The following ADAMTSL1 variants were observed in gnomAD, a reference collection of about 807,000 sequenced individuals.
ADAMTSL1 encodes ADAMTS like 1.
A neutral mutation model predicts 201.8 loss-of-function variants in ADAMTSL1; 126 were observed. The observed-to-expected ratio is 0.62, with a 90% CI of 0.54 to 0.72. The LOEUF is 0.72. ADAMTSL1 is among the 30% of genes least tolerant of loss of function. The pLI, the probability that ADAMTSL1 is intolerant of heterozygous loss-of-function variation, is 0.00. For synonymous variants in ADAMTSL1, 1,121 were observed against 903.4 expected (o/e 1.24, Z -4.32); for missense variants, 2,679 against 2,277.8 (o/e 1.18, Z -3.59).
chr9:18,775,228 A>C (rs1460616892), intron 17 of ADAMTSL1, among the ~76,000 whole-genome samples: 1 of 152,190 alleles, frequency 6.6e-6, no homozygotes. Flanking sequence ...TTTTCTTCTT[A>C]ACATCTAGCA....
chr9:18,398,070 C>A (rs950245471), intron 2 of ADAMTSL1, among the ~76,000 whole-genome samples: 1 of 152,190 alleles, frequency 6.6e-6, no homozygotes, highest in Admixed American at 6.5e-5. Context: ...TACATTCAAT[C>A]TAACAGCTGG....
At chr9:18,694,808 C>A (rs536092292) in intron 13 of ADAMTSL1, among the ~76,000 whole-genome samples, 2 of 152,294 alleles carry the variant, frequency 1.3e-5, no homozygotes, top group South Asian at 2.1e-4. Context: ...CTGTGTGGGG[C>A]CTCCAATCCC....
rs531325858 is a variant in ADAMTSL1, at chr9:18,763,387, T to C, written c.2218-7215T>C. Among the ~76,000 whole-genome samples the C allele has an allele frequency of 3.9e-5, 6 of 152,306 alleles. No individual in the cohort carries two copies. The East Asian group carries it at 1.2e-3, about 29-fold the overall frequency. On this transcript the variant is annotated intron_variant, in intron 16 of 28. Coordinates refer to ENST00000380548, the MANE Select transcript of ADAMTSL1 (RefSeq NM_001040272.6). Reference sequence around the variant, plus strand: ...TACAGAGTTGTTTGAGCTCCTTATATATTCTGGTTATTACTCCCTTGTCAG... The same window carrying C: ...TACAGAGTTGTTTGAGCTCCTTATACATTCTGGTTATTACTCCCTTGTCAG...
At chr9:18,633,322 T>C (rs546476270) in intron 5 of ADAMTSL1, among the ~76,000 whole-genome samples, 1 of 152,268 alleles carries the variant, frequency 6.6e-6, no homozygotes, top group Admixed American at 6.5e-5. Flanking sequence ...CCGGGTGTGG[T>C]GGCTCACTCC....
At chr9:18,315,323 A>C (rs187955435) in intron 2 of ADAMTSL1, among the ~76,000 whole-genome samples, 41 of 152,256 alleles carry the variant, frequency 2.7e-4, no homozygotes, top group African/African-American at 9.6e-4. Context: ...CGCCTAGTGC[A>C]TCCCGCGCCA....
intron 20 of ADAMTSL1, among the ~76,000 whole-genome samples, chr9:18,802,312 T>C (rs552001216): frequency 6.6e-6 from 1 of 152,044 alleles, no homozygotes; most frequent in African/African-American, 2.4e-5. Context: ...ATCACCACAC[T>C]CAATTTTAGA....
intron 1 of ADAMTSL1, among the ~76,000 whole-genome samples, chr9:18,084,991 T>G (rs557091748): frequency 2.0e-4 from 30 of 152,150 alleles, no homozygotes; most frequent in African/African-American, 6.5e-4. Flanking sequence ...AATCTGACAT[T>G]TGAGCAAACC....
At chr9:17,954,555 A>C (rs1332003863) in intron 1 of ADAMTSL1, among the ~76,000 whole-genome samples, 3 of 152,212 alleles carry the variant, frequency 2.0e-5, no homozygotes, top group Non-Finnish European at 4.4e-5. Context: ...AGCAGCTCCC[A>C]AACTTAGTTA....
chr9:18,576,893 A>G (rs1209624715), intron 4 of ADAMTSL1, among the ~76,000 whole-genome samples: 4 of 152,030 alleles, frequency 2.6e-5, no homozygotes, highest in African/African-American at 9.7e-5. Flanking sequence ...AGATGAGGAA[A>G]CTGGAGGCTC....
At chr9:18,489,686 C>G (rs1392252458) in intron 1 of ADAMTSL1, among the ~76,000 whole-genome samples, 2 of 152,088 alleles carry the variant, frequency 1.3e-5, no homozygotes, top group Non-Finnish European at 2.9e-5. Context: ...CTTTATTTTT[C>G]TTTTTCTAGA....
rs1564099709 is a variant in ADAMTSL1, at chr9:18,626,880, TTC to T, written c.601+4512_601+4513del. The stretch of plus-strand genomic sequence containing the variant: ...CTTTCTTTCTTTCTGTCTTTCTTCC[TTC>T]CTTCCTTCCTTCCTTCCTTTCTTTC... On this transcript the variant is annotated intron_variant, in intron 5 of 28. Coordinates refer to ENST00000380548, the MANE Select transcript of ADAMTSL1 (RefSeq NM_001040272.6). 9.2e-4 allele frequency among the ~76,000 whole-genome samples: 136 copies of T among 147,734 alleles called. 1 individual carries two copies. The highest frequency in any genetic ancestry group is 6.8e-3 in the Middle Eastern group (2 of 292).
At chr9:18,669,042 A>G (rs2133078057) in intron 9 of ADAMTSL1, among the ~76,000 whole-genome samples, 1 of 152,336 alleles carries the variant, frequency 6.6e-6, no homozygotes, top group South Asian at 2.1e-4. Context: ...CATGCCATCA[A>G]ATCCCACAGT....
intron 7 of ADAMTSL1, among the ~76,000 whole-genome samples, chr9:18,652,047 G>A (rs371447912): frequency 6.6e-6 from 1 of 152,022 alleles, no homozygotes; most frequent in African/African-American, 2.4e-5. Flanking sequence ...TTTTGAAATA[G>A]TGATACATAT....
intron 2 of ADAMTSL1, among the ~76,000 whole-genome samples, chr9:18,307,478 A>C (rs1487046072): frequency 6.6e-6 from 1 of 152,188 alleles, no homozygotes; most frequent in Non-Finnish European, 1.5e-5. Context: ...ACATAGTCTT[A>C]AAATAAAAGG....
chr9:18,307,037 A>C (rs1222351520), intron 2 of ADAMTSL1, among the ~76,000 whole-genome samples: 1 of 152,192 alleles, frequency 6.6e-6, no homozygotes, highest in Non-Finnish European at 1.5e-5. Context: ...GGGGGCCAAT[A>C]TTCAACATTC....
At chr9:17,924,770 T>A (rs1405441271) in intron 1 of ADAMTSL1, among the ~76,000 whole-genome samples, 1 of 126,182 alleles carries the variant, frequency 7.9e-6, no homozygotes, top group Non-Finnish European at 1.7e-5. Flanking sequence ...AACCTAGGCA[T>A]TACCATTCAG....
chr9:17,923,462 G>A (rs1378971352), intron 1 of ADAMTSL1, among the ~76,000 whole-genome samples: 2 of 151,172 alleles, frequency 1.3e-5, no homozygotes, highest in Non-Finnish European at 2.9e-5. Context: ...TGGTGTATAA[G>A]AATGCTTGTG....
At chr9:18,763,242 A>G (rs1247559867) in intron 16 of ADAMTSL1, among the ~76,000 whole-genome samples, 1 of 152,084 alleles carries the variant, frequency 6.6e-6, no homozygotes, top group Non-Finnish European at 1.5e-5. Flanking sequence ...TTTGATTTGC[A>G]TTTCTTTGAT....
chr9:17,911,591 G>T (rs1825901573), intron 1 of ADAMTSL1, among the ~76,000 whole-genome samples: 1 of 68,706 alleles, frequency 1.5e-5, no homozygotes, highest in African/African-American at 2.9e-5. Context: ...ATCCTTGTTA[G>T]GAATTCAGTA....
Sources: allele counts gnomAD v4.1 joint callset (sites outside exome capture counted in the v4.1 genomes callset), GRCh38; gene constraint gnomAD v4.1.1; transcripts MANE v1.5; gene names NCBI Gene and HGNC (gene_info 2026-07-23, HGNC 2026-07-21).